Variants in SULT4A1 observed in about 807,000 individuals in gnomAD.
SULT4A1 encodes sulfotransferase 4A1.
A neutral mutation model predicts 35.2 loss-of-function variants in SULT4A1; 11 were observed. The observed-to-expected ratio is 0.31, with a 90% CI of 0.20 to 0.52. The LOEUF (loss-of-function observed/expected upper bound fraction) is 0.52, where lower values mean the gene tolerates loss of function less well. Ranked by LOEUF, SULT4A1 falls within the 20% of genes least tolerant of loss-of-function variation. SULT4A1 has a pLI of 0.97. For missense variants in SULT4A1, 271 were observed against 383.7 expected (o/e 0.71, Z 2.45); for synonymous variants, 152 against 151.8 (o/e 1.00, Z -0.01).
At chr22:43,845,818 G>GA (rs1308908015) in intron 1 of SULT4A1, among the ~76,000 whole-genome samples, 4 of 152,162 alleles carry the variant, frequency 2.6e-5, no homozygotes, top group Non-Finnish European at 5.9e-5. Context: ...ACCTGCGAGG[G>GA]ATCTGGGCTA....
At chr22:43,840,287 C>T (rs966857411) in intron 2 of SULT4A1, among the ~76,000 whole-genome samples, 14 of 149,136 alleles carry the variant, frequency 9.4e-5, no homozygotes, top group South Asian at 4.3e-4. Context: ...CAGGGGAGAA[C>T]GGTAGGGGTC....
At chr22:43,852,229 C>A (rs999286694) in intron 1 of SULT4A1, among the ~76,000 whole-genome samples, 1 of 152,138 alleles carries the variant, frequency 6.6e-6, no homozygotes, top group Non-Finnish European at 1.5e-5. Context: ...GTGGCTCAGG[C>A]TGAACATGGC....
intron 1 of SULT4A1, among the ~76,000 whole-genome samples, chr22:43,844,205 T>C (rs1354733161): frequency 6.6e-6 from 1 of 152,152 alleles, no homozygotes; most frequent in Non-Finnish European, 1.5e-5. Context: ...TATAATTCAA[T>C]TAAAAAGAGA....
chr22:43,832,586 AC>A (rs1032463973), intron 5 of SULT4A1, among the ~76,000 whole-genome samples: 3 of 151,074 alleles, frequency 2.0e-5, no homozygotes, highest in Admixed American at 2.0e-4. Flanking sequence ...CAGTGCACAC[AC>A]CCCCACCCCG....
intron 1 of SULT4A1, among the ~76,000 whole-genome samples, chr22:43,858,429 C>T (rs2049427979): frequency 6.6e-6 from 1 of 152,106 alleles, no homozygotes; most frequent in Admixed American, 6.5e-5. Context: ...GCCCCTTCCC[C>T]AGGTCAAGCC....
intron 2 of SULT4A1, among the ~76,000 whole-genome samples, 162 bp from the exon 3 acceptor site, chr22:43,840,187 G>A (rs1033960374): frequency 1.1e-4 from 16 of 149,990 alleles, no homozygotes; most frequent in African/African-American, 3.9e-4. Context: ...GAGGGGTCAG[G>A]AGAGCGTCAG....
At chr22:43,838,289 C>T (rs1368095760) in intron 4 of SULT4A1, among the ~76,000 whole-genome samples, 1 of 152,258 alleles carries the variant, frequency 6.6e-6, no homozygotes, top group African/African-American at 2.4e-5. Context: ...GAATGGAAGC[C>T]AGAGAACAGC....
At chr22:43,848,758 G>A (rs1220615421) in intron 1 of SULT4A1, among the ~76,000 whole-genome samples, 1 of 152,198 alleles carries the variant, frequency 6.6e-6, no homozygotes, top group Non-Finnish European at 1.5e-5. Flanking sequence ...CCGAGGTGGG[G>A]GCCTGGGAGG....
At chr22:43,853,542 G>T (rs2049367655) in intron 1 of SULT4A1, among the ~76,000 whole-genome samples, 1 of 152,200 alleles carries the variant, frequency 6.6e-6, no homozygotes. Context: ...GGCAGCTGTG[G>T]CATGCTGGGT....
rs895533958 is a variant in SULT4A1 at position 43,827,016 on chromosome 22, A to T, written c.743-903T>A. On this transcript the variant is annotated intron_variant, in intron 6 of 6. Transcript: ENST00000330884. The stretch of plus-strand genomic sequence containing the variant: ...CATGACAAGAGAAGTTGTTGCTCCC[A>T]TTGTCTTTGTTAATATAAAATCTTA... The T allele has an allele frequency of 8.1e-6, 8 of 985,272 alleles. No homozygotes were observed. The African/African-American group carries it at 1.4e-4, about 17-fold the overall frequency. The allele number at this position is 985,272 out of a possible 1,614,324, so 61.0% of individuals were successfully genotyped here.
intron 1 of SULT4A1, among the ~76,000 whole-genome samples, chr22:43,854,573 T>G (rs1054164123): frequency 6.6e-6 from 1 of 152,222 alleles, no homozygotes; most frequent in Non-Finnish European, 1.5e-5. Context: ...AGAGGTCACC[T>G]GCAGCGCTGG....
chr22:43,837,215 G>T (rs2063384464), intron 4 of SULT4A1, among the ~76,000 whole-genome samples: 1 of 152,268 alleles, frequency 6.6e-6, no homozygotes. Context: ...GGGGTGCTGA[G>T]TGGGCCTGTC....
intron 1 of SULT4A1, among the ~76,000 whole-genome samples, chr22:43,848,379 A>G (rs2063489694): frequency 6.6e-6 from 1 of 152,260 alleles, no homozygotes; most frequent in Non-Finnish European, 1.5e-5. Flanking sequence ...GACACGCCAC[A>G]GTCTCACAGC....
At position 43,840,036 on chromosome 22, in the gene SULT4A1, T is replaced by G. The variant is rs1603406489; in HGVS notation, c.301-11A>C. On this transcript the variant is annotated splice_polypyrimidine_tract_variant and intron_variant, in intron 2 of 6. Coordinates refer to ENST00000330884, the MANE Select transcript of SULT4A1 (RefSeq NM_014351.4). ...GGGAGAGGTCAGTTCCTGCGTGGAGTCAGAGGGAGAGGCAGGTCAGAGGAA... is the reference window on the plus strand; with the variant it reads ...GGGAGAGGTCAGTTCCTGCGTGGAGGCAGAGGGAGAGGCAGGTCAGAGGAA... 3 of 1,582,768 alleles carry G rather than the reference T, an allele frequency of 1.9e-6. No individual in the cohort carries two copies. Among genetic ancestry groups the G allele is most frequent in the African/African-American group, 1.4e-5 (1 of 69,818 alleles).
intron 1 of SULT4A1, among the ~76,000 whole-genome samples, chr22:43,844,033 G>T (rs1295198878): frequency 6.6e-6 from 1 of 152,182 alleles, no homozygotes; most frequent in Non-Finnish European, 1.5e-5. Flanking sequence ...GAACTGGACT[G>T]GGGGACATCC....
intron 5 of SULT4A1, among the ~76,000 whole-genome samples, chr22:43,833,266 C>G (rs2063337481): frequency 6.6e-6 from 1 of 152,132 alleles, no homozygotes; most frequent in Non-Finnish European, 1.5e-5. Flanking sequence ...TGTGGTGACC[C>G]AGGCTCCCCA....
chr22:43,847,828 G>A (rs1208663765), intron 1 of SULT4A1, among the ~76,000 whole-genome samples: 1 of 152,378 alleles, frequency 6.6e-6, no homozygotes, highest in East Asian at 1.9e-4. Context: ...TGTGAGGGCA[G>A]GGAACTGGTC....
chr22:43,831,601 C>T (rs907263360), intron 5 of SULT4A1, among the ~76,000 whole-genome samples: 3 of 152,206 alleles, frequency 2.0e-5, no homozygotes, highest in East Asian at 1.9e-4. Flanking sequence ...GTGGCACATT[C>T]GTGCTGCAAC....
Position 43,841,820 on chromosome 22 carries a change from C to A in SULT4A1, c.282G>T (p.Pro94=), listed in dbSNP as rs200810567. ...TGGGTACCTTGATGATGTCCAGGCC[C>A]GGCTGTGGGTACTCCAGGACCGGGA... ...EQLPVLEYPQ[P]GLDIIKELTS... Residue 94 remains proline, a synonymous_variant, in exon 2 of 7, where the codon CCG becomes CCT. Coordinates refer to ENST00000330884, the MANE Select transcript of SULT4A1 (RefSeq NM_014351.4). The A allele has an allele frequency of 6.2e-7, 1 of 1,613,668 alleles. No individual in the cohort carries two copies. The highest frequency in any genetic ancestry group is 2.2e-5 in the East Asian group (1 of 44,876).
Sources: allele counts gnomAD v4.1 joint callset (sites outside exome capture counted in the v4.1 genomes callset), GRCh38; gene constraint gnomAD v4.1.1; transcripts MANE v1.5; gene names NCBI Gene and HGNC (gene_info 2026-07-23, HGNC 2026-07-21).